Variants in WDHD1 observed in about 807,000 individuals in gnomAD.
WDHD1 encodes the protein WD repeat and HMG-box DNA-binding protein 1.
A neutral mutation model predicts 135.4 loss-of-function variants in WDHD1; 111 were observed. That is an observed-to-expected ratio of 0.82 (90% confidence interval 0.70 to 0.96). The LOEUF is 0.96. WDHD1 is among the 40% of genes least tolerant of loss of function. The probability of loss-of-function intolerance (pLI) is 0.00; values close to 1 mark genes in which losing one functional copy is unlikely to be tolerated. For synonymous variants in WDHD1, 434 were observed against 439.0 expected (o/e 0.99, Z 0.14); for missense variants, 1,351 against 1,336.3 (o/e 1.01, Z -0.17).
intron 7 of WDHD1, 27 bp from the exon 8 acceptor site, chr14:55,002,212 CAA>C: frequency 6.9e-7 from 1 of 1,441,006 alleles, no homozygotes; most frequent in South Asian, 1.3e-5. Context: ...ACAACGTAAA[CAA>C]AAGTTTACAT....
At chr14:55,006,783 T>C (rs1199235763) in intron 7 of WDHD1, among the ~76,000 whole-genome samples, 2 of 152,164 alleles carry the variant, frequency 1.3e-5, no homozygotes, top group Non-Finnish European at 2.9e-5. Flanking sequence ...TCAAAATGAA[T>C]CTTGAAAAAG....
intron 11 of WDHD1, among the ~76,000 whole-genome samples, chr14:54,993,914 A>C (rs1477788576): frequency 2.0e-5 from 3 of 152,196 alleles, no homozygotes; most frequent in Non-Finnish European, 2.9e-5. Context: ...GGTCCTCAAA[A>C]TTTTTTAGAG....
intron 18 of WDHD1, 89 bp downstream of exon 18, chr14:54,966,386 G>T: frequency 1.4e-6 from 2 of 1,419,228 alleles, no homozygotes; most frequent in African/African-American, 2.9e-5. Context: ...TAGGTTGTGG[G>T]ACTTAGTCCT....
Position 55,007,522 on chromosome 14 carries a change from T to A in WDHD1, c.505-147A>T, listed in dbSNP as rs1453789433. On this transcript the variant is annotated intron_variant, in intron 6 of 25. Coordinates refer to ENST00000360586, the MANE Select transcript of WDHD1 (RefSeq NM_007086.4). ...GCACCTTAATTATAATAATACCTGA[T>A]ATACCTAAACTGCTTTAAGTCCTTC... is the stretch of plus-strand genomic sequence containing the variant. 9.8e-5 allele frequency: 57 copies of A among 580,852 alleles called. 1 individual carries two copies. The highest frequency in any genetic ancestry group is 1.2e-4 in the Non-Finnish European group (41 of 340,954). 36.0% of individuals were successfully genotyped at this position (580,852 alleles called of 1,614,324 possible).
chr14:54,957,703 T>C lies in WDHD1; in HGVS notation c.2702-68A>G, dbSNP rs1355197394. ...AGATGACTTCTGACATCTATAATAC[T>C]AGACAGAGTATTTTAATCCCCATTA... is the stretch of plus-strand genomic sequence containing the variant. On this transcript the variant is annotated intron_variant, in intron 21 of 25. Transcript: ENST00000360586. 3.1e-6 allele frequency: 4 copies of C among 1,272,146 alleles called. No individual in the cohort carries two copies. The East Asian group carries it at 9.5e-5, about 30-fold the overall frequency. 78.8% of individuals were successfully genotyped at this position (1,272,146 alleles called of 1,614,324 possible). A position where few individuals can be genotyped will look rare whatever the true frequency, so the allele number is the denominator to read the frequency against.
At chr14:54,974,846 A>G (rs2041498534) in intron 16 of WDHD1, among the ~76,000 whole-genome samples, 1 of 152,184 alleles carries the variant, frequency 6.6e-6, no homozygotes, top group Non-Finnish European at 1.5e-5. Flanking sequence ...TAAAAATGCC[A>G]AACTGGAGAA....
At chr14:54,983,276 A>G (rs1272010092) in intron 15 of WDHD1, among the ~76,000 whole-genome samples, 1 of 152,212 alleles carries the variant, frequency 6.6e-6, no homozygotes, top group Non-Finnish European at 1.5e-5. Context: ...CTTATCCAAA[A>G]GAAATATCAT....
chr14:54,974,204 T>A (rs1595082617), intron 16 of WDHD1, among the ~76,000 whole-genome samples: 2 of 152,070 alleles, frequency 1.3e-5, no homozygotes, highest in Admixed American at 1.3e-4. Flanking sequence ...GGCAGATCGC[T>A]TGAGCTCAGG....
intron 14 of WDHD1, among the ~76,000 whole-genome samples, chr14:54,986,805 A>C (rs1566727602): frequency 6.6e-6 from 1 of 152,200 alleles, no homozygotes; most frequent in Non-Finnish European, 1.5e-5. Context: ...GCTTTTAAAA[A>C]GTGTCACATT....
intron 16 of WDHD1, among the ~76,000 whole-genome samples, chr14:54,969,343 GAAAA>G (rs141857558): frequency 8.4e-6 from 1 of 119,546 alleles, no homozygotes; most frequent in Middle Eastern, 4.9e-3. Context: ...TCCGTTTCAA[GAAAA>G]AAAAAAAAAA....
At chr14:55,012,649 A>G (rs1220848537) in intron 3 of WDHD1, among the ~76,000 whole-genome samples, 1 of 152,180 alleles carries the variant, frequency 6.6e-6, no homozygotes, top group Non-Finnish European at 1.5e-5. Flanking sequence ...CATGATTCTG[A>G]AGGCTGGACA....
Position 54,967,272 on chromosome 14 carries a change from C to T in WDHD1, c.2178+8G>A, listed in dbSNP as rs777388267. 6.3e-7 allele frequency: 1 copy of T among 1,599,456 alleles called. No homozygotes were observed. Among genetic ancestry groups the T allele is most frequent in the Non-Finnish European group, 8.6e-7 (1 of 1,168,808 alleles). On this transcript the variant is annotated splice_region_variant and intron_variant, in intron 17 of 25. Transcript: ENST00000360586. ...AATTCAAAGTGTCAAGGTAAGACTT[C>T]CACATACCTCCATTTGTCCTTTCTC...
At chr14:54,955,220 TG>T (rs2041132575) in intron 24 of WDHD1, among the ~76,000 whole-genome samples, 1 of 152,208 alleles carries the variant, frequency 6.6e-6, no homozygotes, top group Non-Finnish European at 1.5e-5. Context: ...AGAAATTAGT[TG>T]GATGAAACTA....
Position 54,957,163 on chromosome 14 carries a change from T to C in WDHD1, c.2787A>G (p.Ser929=). The change falls in exon 23 of 26, where the codon TCA becomes TCG. Residue 929 remains serine (S), a synonymous_variant. Transcript: ENST00000360586. ...SSKEPAMSMN[S]ARSTNILDNM... ...TGTCTAAAATATTAGTTGAACGTGCTGAATTCATTGACATGGCTGGTTCTT... is the reference window on the plus strand; with the variant it reads ...TGTCTAAAATATTAGTTGAACGTGCCGAATTCATTGACATGGCTGGTTCTT... 1 of 1,614,172 alleles carries C rather than the reference T, an allele frequency of 6.2e-7. No homozygotes were observed. Among genetic ancestry groups the C allele is most frequent in the Non-Finnish European group, 8.5e-7 (1 of 1,180,004 alleles).
chr14:54,966,955 T>C (rs2041355286), intron 17 of WDHD1, among the ~76,000 whole-genome samples: 2 of 152,242 alleles, frequency 1.3e-5, no homozygotes, highest in African/African-American at 4.8e-5. Context: ...AGGCTAGGAC[T>C]AGGGTCAGGC....
chr14:54,952,979 A>G (rs2041086954), intron 24 of WDHD1, among the ~76,000 whole-genome samples: 1 of 152,222 alleles, frequency 6.6e-6, no homozygotes, highest in Non-Finnish European at 1.5e-5. Flanking sequence ...TTAATTCCAG[A>G]TGGATTAAAG....
chr14:54,963,310 C>T (rs866830201), intron 18 of WDHD1, 138 bp from the exon 19 acceptor site: 1 of 685,294 alleles, frequency 1.5e-6, no homozygotes, highest in East Asian at 2.7e-5. Context: ...CACATTTTTA[C>T]AAGTTTTAAC....
At position 54,957,028 on chromosome 14, in the gene WDHD1, C is replaced by T. The variant is rs2041170584; in HGVS notation, c.2916+6G>A. 3 of 1,611,626 alleles carry T rather than the reference C, an allele frequency of 1.9e-6. No individual in the cohort carries two copies. Among genetic ancestry groups the T allele is most frequent in the Non-Finnish European group, 2.5e-6 (3 of 1,178,824 alleles). On this transcript the variant is annotated splice_donor_region_variant and intron_variant, in intron 23 of 25. Coordinates refer to ENST00000360586, the MANE Select transcript of WDHD1 (RefSeq NM_007086.4). ...TTACTGCAGATGAGGGTAGCTGAAA[C>T]AGTACCTGCTTAGGCTTCGGCTTTG...
At chr14:54,995,044 C>T (rs779886635) in intron 11 of WDHD1, among the ~76,000 whole-genome samples, 7 of 152,112 alleles carry the variant, frequency 4.6e-5, no homozygotes, top group Non-Finnish European at 7.4e-5. Flanking sequence ...GCAGTTGACG[C>T]GATCTCGGCT....
Sources: allele counts gnomAD v4.1 joint callset (sites outside exome capture counted in the v4.1 genomes callset), GRCh38; gene constraint gnomAD v4.1.1; transcripts MANE v1.5; gene names NCBI Gene and HGNC (gene_info 2026-07-23, HGNC 2026-07-21).